The following HPGD variants were observed in gnomAD, a reference collection of about 807,000 sequenced individuals.
HPGD encodes 15-hydroxyprostaglandin dehydrogenase [NAD(+)].
HPGD carries 29 observed loss-of-function variants against 30.0 expected under a neutral mutation model. The ratio of observed to expected loss-of-function variants is 0.97; its 90% CI spans 0.72 to 1.32. HPGD has a LOEUF of 1.32. Ranked by LOEUF, HPGD falls within the 40% of genes most tolerant of loss-of-function variation. The probability of loss-of-function intolerance (pLI) is 0.00; values close to 1 mark genes in which losing one functional copy is unlikely to be tolerated. For synonymous variants in HPGD, 99 were observed against 112.4 expected, an observed-to-expected ratio of 0.88 and a Z score of 0.75; for missense variants, 340 against 322.1, an observed-to-expected ratio of 1.06 and a Z score of -0.43.
chr4:174,503,444 G>C (rs1284858272), intron 4 of HPGD, among the ~76,000 whole-genome samples: 2 of 152,156 alleles, frequency 1.3e-5, no homozygotes, highest in African/African-American at 4.8e-5. Flanking sequence ...CTCTATTGTA[G>C]AGACTTGTAA....
At chr4:174,504,159 C>T (rs953566469) in intron 4 of HPGD, among the ~76,000 whole-genome samples, 3 of 152,146 alleles carry the variant, frequency 2.0e-5, no homozygotes, top group South Asian at 4.1e-4. Context: ...TCTGCAAATG[C>T]TCAACATATG....
intron 2 of HPGD, among the ~76,000 whole-genome samples, chr4:174,518,536 AT>A (rs1299933021): frequency 6.6e-6 from 1 of 152,236 alleles, no homozygotes; most frequent in African/African-American, 2.4e-5. Flanking sequence ...GCCATATTAA[AT>A]TCATAAAGTG....
intron 3 of HPGD, among the ~76,000 whole-genome samples, chr4:174,511,739 C>CTG (rs1735508797): frequency 2.0e-5 from 3 of 152,176 alleles, no homozygotes; most frequent in Admixed American, 1.3e-4. Context: ...CTCCGCCTCC[C>CTG]GGGTTCACGC....
At chr4:174,504,769 C>A (rs11946111) in intron 4 of HPGD, among the ~76,000 whole-genome samples, 28,873 of 151,840 alleles carry the variant, frequency 0.19, 3,379 homozygotes, top group Non-Finnish European at 0.27. Flanking sequence ...GCCGAGATCG[C>A]GCCATTGCAC....
In HPGD at chr4:174,512,029, G is replaced by A. The variant is rs549138167; in HGVS notation, c.325-3237C>T. Among the ~76,000 whole-genome samples, 11 of 152,302 alleles carry A rather than the reference G, an allele frequency of 7.2e-5. No homozygotes were observed. In the South Asian group the frequency reaches 2.3e-3, roughly 32 times the overall value. On this transcript the variant is annotated intron_variant, in intron 3 of 6. Transcript: ENST00000296522. ...CAGACTAAGGAGGAAGTATAAAATA[G>A]CCTAATGGAAACCAAAGACTGGGAA...
intron 4 of HPGD, chr4:174,495,961 A>T (rs1188651287): frequency 3.7e-6 from 1 of 269,444 alleles, no homozygotes; most frequent in Non-Finnish European, 7.2e-6. Context: ...AAGTCAGTAA[A>T]TTACCACCTA....
chr4:174,508,653 A>G, intron 4 of HPGD, 43 bp downstream of exon 4: 1 of 1,082,668 alleles, frequency 9.2e-7, no homozygotes. Flanking sequence ...GGTCCAAATT[A>G]CCAGTAAGAA....
intron 3 of HPGD, among the ~76,000 whole-genome samples, chr4:174,511,732 C>T (rs1246690660): frequency 6.6e-6 from 1 of 152,128 alleles, no homozygotes. Flanking sequence ...CTGCAAGCTC[C>T]GCCTCCCGGG....
chr4:174,510,096 G>C (rs963207103), intron 3 of HPGD, among the ~76,000 whole-genome samples: 1 of 151,932 alleles, frequency 6.6e-6, no homozygotes, highest in Non-Finnish European at 1.5e-5. Flanking sequence ...CGATACAATA[G>C]GTAATGCGTC....
intron 2 of HPGD, 143 bp downstream of exon 2, chr4:174,521,801 C>T: frequency 2.1e-6 from 2 of 943,622 alleles, no homozygotes; most frequent in East Asian, 2.4e-5. Context: ...ACGTATCAGT[C>T]CAAACTGTCT....
At chr4:174,519,431 T>C (rs1735968548) in intron 2 of HPGD, among the ~76,000 whole-genome samples, 4 of 152,148 alleles carry the variant, frequency 2.6e-5, no homozygotes, top group Admixed American at 2.6e-4. Context: ...GCCAGGATGA[T>C]CTCTGTCAGG....
At chr4:174,502,594 C>T (rs1336735122) in intron 4 of HPGD, among the ~76,000 whole-genome samples, 2 of 143,214 alleles carry the variant, frequency 1.4e-5, no homozygotes, top group African/African-American at 2.6e-5. Flanking sequence ...AGGAGAATGG[C>T]GTGAACCCGA....
intron 4 of HPGD, among the ~76,000 whole-genome samples, chr4:174,501,316 A>T (rs1355191452): frequency 6.6e-6 from 1 of 152,180 alleles, no homozygotes; most frequent in Non-Finnish European, 1.5e-5. Context: ...CTGTCACAAC[A>T]TTAAGGGATT....
chr4:174,507,693 T>C (rs1735255572), intron 4 of HPGD: 1 of 157,182 alleles, frequency 6.4e-6, no homozygotes, highest in East Asian at 1.8e-4. Context: ...ACAATTTCAC[T>C]TGAACTATTC....
intron 4 of HPGD, 151 bp downstream of exon 4, chr4:174,508,544 AT>A: frequency 1.6e-6 from 1 of 636,204 alleles, no homozygotes; most frequent in South Asian, 1.8e-5. Flanking sequence ...CAAACTTTTG[AT>A]ATTTTGCAAT....
chr4:174,519,298 C>G (rs1267165949), intron 2 of HPGD, among the ~76,000 whole-genome samples: 2 of 151,562 alleles, frequency 1.3e-5, no homozygotes, highest in Non-Finnish European at 2.9e-5. Flanking sequence ...ACTGCAAGCT[C>G]CACCTCCCGG....
chr4:174,501,745 G>GAAAATT (rs1734909226), intron 4 of HPGD, among the ~76,000 whole-genome samples: 2 of 144,126 alleles, frequency 1.4e-5, no homozygotes. Flanking sequence ...TAAAATATCT[G>GAAAATT]AAAATTACAT....
chr4:174,492,961 T>C lies in HPGD; in HGVS notation c.662+190A>G, dbSNP rs952919956. On this transcript the variant is annotated intron_variant, in intron 6 of 6. Coordinates refer to ENST00000296522, the MANE Select transcript of HPGD (RefSeq NM_000860.6). The surrounding 1 kb of genome is among the most constrained non-coding windows in gnomAD (Gnocchi z 4.9). Reference sequence around the variant, plus strand: ...TTTACATATTTCAAAGTAACATTCATAATGTATAAACTTACATTCTATTTA... The same window carrying C: ...TTTACATATTTCAAAGTAACATTCACAATGTATAAACTTACATTCTATTTA... 3.9e-5 allele frequency among the ~76,000 whole-genome samples: 6 copies of C among 152,138 alleles called. No individual in the cohort carries two copies. Among genetic ancestry groups the C allele is most frequent in the Admixed American group, 2.6e-4 (4 of 15,266 alleles).
chr4:174,518,539 C>A (rs1319996728), intron 2 of HPGD, among the ~76,000 whole-genome samples: 1 of 152,100 alleles, frequency 6.6e-6, no homozygotes, highest in African/African-American at 2.4e-5. Flanking sequence ...ATATTAAATT[C>A]ATAAAGTGTT....
Sources: gnomAD v4.1 joint callset for allele counts (sites outside exome capture counted in the v4.1 genomes callset) on GRCh38, gnomAD v4.1.1 for gene constraint, Gnocchi (gnomAD v3.1) non-coding constraint, MANE v1.5 for transcripts, NCBI Gene and HGNC (gene_info 2026-07-23, HGNC 2026-07-21) for gene names.